The following CLSTN2 variants were observed in gnomAD, a reference collection of about 807,000 sequenced individuals.
CLSTN2 encodes the protein calsyntenin-2.
In CLSTN2, 48 loss-of-function variants were observed where a neutral mutation model predicts 101.2. The ratio of observed to expected loss-of-function variants is 0.47; its 90% CI spans 0.38 to 0.60. CLSTN2 has a LOEUF of 0.60. Ranked by LOEUF, CLSTN2 falls within the 20% of genes least tolerant of loss-of-function variation. The pLI, the probability that CLSTN2 is intolerant of heterozygous loss-of-function variation, is 0.00. For synonymous variants in CLSTN2, 481 were observed against 463.6 expected (o/e 1.04, Z -0.48); for missense variants, 1,160 against 1,238.2 (o/e 0.94, Z 0.95).
In CLSTN2 at chr3:140,546,549, C is replaced by A. The variant is rs1410012223; in HGVS notation, c.1542C>A (p.Phe514Leu). The change falls in exon 10 of 17, where the codon TTC (phenylalanine) becomes TTA (leucine). Residue 514 changes from phenylalanine (F) to leucine (L), a missense_variant. Transcript: ENST00000458420. ...GEVTKPQFAQ[F>L]FHGSLASLTI... ...TCACCAAACCACAGTTTGCTCAGTT[C>A]TTTCATGGAAGCCTGGCCAGTCTCA... The A allele has an allele frequency of 1.1e-5, 18 of 1,613,974 alleles. No homozygotes were observed. Among genetic ancestry groups the A allele is most frequent in the Non-Finnish European group, 1.2e-5 (14 of 1,179,982 alleles).
chr3:140,271,949 C>T (rs2086745869), intron 2 of CLSTN2, among the ~76,000 whole-genome samples: 2 of 152,184 alleles, frequency 1.3e-5, no homozygotes, highest in African/African-American at 2.4e-5. Context: ...ACAAACAGAA[C>T]CCAATTCTGA....
At position 140,319,571 on chromosome 3, in the gene CLSTN2, G is replaced by C. The variant is rs6770195; in HGVS notation, c.233-84058G>C. The stretch of plus-strand genomic sequence containing the variant: ...AGGCTGCCCCTGTAGGGTTAGGGAA[G>C]GGCTAGCTTCAGAACAAATCAGGAT... On this transcript the variant is annotated intron_variant, in intron 2 of 16. Coordinates refer to ENST00000458420, the MANE Select transcript of CLSTN2 (RefSeq NM_022131.3). 6.0e-3 allele frequency among the ~76,000 whole-genome samples: 911 copies of C among 152,300 alleles called. 10 individuals are homozygous for C. Among genetic ancestry groups the C allele is most frequent in the African/African-American group, 0.02 (832 of 41,572 alleles).
At chr3:140,442,557 T>G (rs528344944) in intron 5 of CLSTN2, among the ~76,000 whole-genome samples, 1 of 152,234 alleles carries the variant, frequency 6.6e-6, no homozygotes, top group Non-Finnish European at 1.5e-5. Flanking sequence ...TAAATTTAAC[T>G]CAATAGAATT....
At chr3:140,538,381 C>A (rs537378654) in intron 9 of CLSTN2, among the ~76,000 whole-genome samples, 2 of 152,292 alleles carry the variant, frequency 1.3e-5, no homozygotes, top group African/African-American at 4.8e-5. Context: ...AATATTAGAG[C>A]CTGTAAATAG....
intron 2 of CLSTN2, among the ~76,000 whole-genome samples, chr3:140,343,456 C>G (rs1047091938): frequency 6.6e-6 from 1 of 152,218 alleles, no homozygotes; most frequent in African/African-American, 2.4e-5. Context: ...TGCTGGTGTA[C>G]TTGACATAAG....
intron 1 of CLSTN2, among the ~76,000 whole-genome samples, chr3:139,937,259 A>C (rs1214731510): frequency 6.6e-6 from 1 of 152,198 alleles, no homozygotes; most frequent in African/African-American, 2.4e-5. Context: ...GTGAGTAGTA[A>C]TAATGCACGG....
intron 2 of CLSTN2, among the ~76,000 whole-genome samples, chr3:140,279,099 A>C (rs780338779): frequency 2.0e-5 from 3 of 152,204 alleles, no homozygotes; most frequent in Non-Finnish European, 2.9e-5. Context: ...TGCAGCAAGT[A>C]TATTTGTGTC....
chr3:140,418,866 T>C (rs1000619393), intron 4 of CLSTN2, among the ~76,000 whole-genome samples: 13 of 152,122 alleles, frequency 8.5e-5, no homozygotes, highest in African/African-American at 2.9e-4. Flanking sequence ...TATTCCCTCC[T>C]GGACATCAGT....
chr3:140,176,876 G>T (rs2010333306), intron 2 of CLSTN2, among the ~76,000 whole-genome samples: 1 of 152,208 alleles, frequency 6.6e-6, no homozygotes, highest in Non-Finnish European at 1.5e-5. Context: ...CTAGAAGATT[G>T]TTTTATGATA....
At chr3:140,554,643 T>G (rs1356107363) in intron 10 of CLSTN2, among the ~76,000 whole-genome samples, 1 of 152,234 alleles carries the variant, frequency 6.6e-6, no homozygotes, top group African/African-American at 2.4e-5. Context: ...CTCTTTGACC[T>G]AGCAATTTCA....
At chr3:140,343,646 G>A (rs757791013) in intron 2 of CLSTN2, among the ~76,000 whole-genome samples, 5 of 152,194 alleles carry the variant, frequency 3.3e-5, no homozygotes, top group Non-Finnish European at 7.3e-5. Flanking sequence ...AAGCTTGTGA[G>A]ATGTTTCTTA....
chr3:140,322,988 G>A (rs2087298035), intron 2 of CLSTN2, among the ~76,000 whole-genome samples: 1 of 152,210 alleles, frequency 6.6e-6, no homozygotes, highest in Non-Finnish European at 1.5e-5. Flanking sequence ...GCTTTTTTGG[G>A]TGGGAAGTTA....
intron 2 of CLSTN2, among the ~76,000 whole-genome samples, chr3:140,219,105 T>A (rs1047221371): frequency 6.6e-6 from 1 of 151,974 alleles, no homozygotes; most frequent in Admixed American, 6.5e-5. Flanking sequence ...AGTTCATGTA[T>A]CATGTATCCA....
chr3:139,966,666 T>C (rs1044453243), intron 1 of CLSTN2, among the ~76,000 whole-genome samples: 1 of 152,224 alleles, frequency 6.6e-6, no homozygotes, highest in African/African-American at 2.4e-5. Context: ...TGCATTCTCA[T>C]GACTTATTTA....
intron 9 of CLSTN2, among the ~76,000 whole-genome samples, chr3:140,534,599 C>G (rs1935324650): frequency 6.6e-6 from 1 of 152,190 alleles, no homozygotes; most frequent in Admixed American, 6.5e-5. Context: ...AGTCAGTAGA[C>G]AGAGCAGCCA....
chr3:140,241,842 T>C (rs1004546917), intron 2 of CLSTN2, among the ~76,000 whole-genome samples: 19 of 145,816 alleles, frequency 1.3e-4, no homozygotes, highest in South Asian at 2.1e-4. Context: ...CATATATATA[T>C]ACATATATAT....
intron 9 of CLSTN2, among the ~76,000 whole-genome samples, chr3:140,539,073 G>A (rs946580171): frequency 6.6e-6 from 1 of 152,204 alleles, no homozygotes. Context: ...GGGGGCAAGG[G>A]CTAGCTGCTC....
At chr3:140,423,169 T>A (rs551149374) in intron 5 of CLSTN2, among the ~76,000 whole-genome samples, 4 of 152,368 alleles carry the variant, frequency 2.6e-5, no homozygotes, top group African/African-American at 9.6e-5. Flanking sequence ...AATTTAAATA[T>A]AATTTCCTAA....
intron 8 of CLSTN2, among the ~76,000 whole-genome samples, chr3:140,470,321 C>G (rs1055195915): frequency 6.6e-6 from 1 of 152,220 alleles, no homozygotes; most frequent in South Asian, 2.1e-4. Flanking sequence ...ATGTGATAGG[C>G]ACGGTGGGCT....
Sources: allele counts gnomAD v4.1 joint callset (sites outside exome capture counted in the v4.1 genomes callset), GRCh38; gene constraint gnomAD v4.1.1; transcripts MANE v1.5; gene names NCBI Gene and HGNC (gene_info 2026-07-23, HGNC 2026-07-21).